The following NOL4 variants were observed in gnomAD, a reference collection of about 807,000 sequenced individuals.
NOL4 encodes nucleolar protein 4, also known as cancer/testis antigen 125.
Under a neutral mutation model 75.9 loss-of-function variants are expected in NOL4, and 17 were observed. The ratio of observed to expected loss-of-function variants is 0.22; its 90% CI spans 0.15 to 0.34. The LOEUF is 0.34. Among genes scored for constraint, NOL4 ranks in the 10% least tolerant of loss-of-function variants. NOL4 has a pLI of 1.00. For synonymous variants in NOL4, 292 were observed against 289.9 expected (o/e 1.01, Z -0.07); for missense variants, 614 against 793.5 (o/e 0.77, Z 2.72).
chr18:34,222,809 C>G (rs1020097587), intron 1 of NOL4, among the ~76,000 whole-genome samples, 181 bp downstream of exon 1: 1 of 152,150 alleles, frequency 6.6e-6, no homozygotes, highest in African/African-American at 2.4e-5. Context: ...AAAGACTGTA[C>G]AGTGGGGAAA....
intron 5 of NOL4, chr18:34,048,440 G>A (rs1311199895): frequency 1.0e-6 from 1 of 985,112 alleles, no homozygotes. Flanking sequence ...GACACTTACT[G>A]TGAATTCTGC....
At chr18:34,118,130 C>T (rs942101089) in intron 2 of NOL4, among the ~76,000 whole-genome samples, 3 of 152,116 alleles carry the variant, frequency 2.0e-5, no homozygotes, top group Non-Finnish European at 4.4e-5. Context: ...TTAAAATCAC[C>T]TTTCTCCACC....
chr18:34,179,876 G>T (rs1401698275), intron 1 of NOL4, among the ~76,000 whole-genome samples: 1 of 151,326 alleles, frequency 6.6e-6, no homozygotes, highest in Non-Finnish European at 1.5e-5. Context: ...AATTTCTTTT[G>T]TTTATAAACT....
chr18:34,068,150 A>G (rs2077360107), intron 5 of NOL4, among the ~76,000 whole-genome samples: 2 of 152,186 alleles, frequency 1.3e-5, no homozygotes, highest in Admixed American at 6.5e-5. Flanking sequence ...ATTAATGTGC[A>G]TGAATAATGG....
chr18:33,876,059 T>G (rs1168154214), intron 10 of NOL4, among the ~76,000 whole-genome samples: 1 of 152,052 alleles, frequency 6.6e-6, no homozygotes, highest in Non-Finnish European at 1.5e-5. Context: ...TTTTGTTTAC[T>G]TGATGTCATT....
At chr18:34,004,411 A>G (rs1025126603) in intron 6 of NOL4, among the ~76,000 whole-genome samples, 3 of 152,046 alleles carry the variant, frequency 2.0e-5, no homozygotes, top group Admixed American at 6.6e-5. Context: ...CAACAGCATC[A>G]TTTCATTCAT....
chr18:34,193,195 G>A (rs529263982), intron 1 of NOL4, among the ~76,000 whole-genome samples: 1 of 152,124 alleles, frequency 6.6e-6, no homozygotes, highest in Admixed American at 6.5e-5. Context: ...TATGACATTA[G>A]TCTGGACAAT....
intron 5 of NOL4, among the ~76,000 whole-genome samples, chr18:34,070,036 T>C (rs2077443807): frequency 6.6e-6 from 1 of 152,130 alleles, no homozygotes; most frequent in Non-Finnish European, 1.5e-5. Context: ...CTTGTTTTGT[T>C]TTGTTTTGTT....
At chr18:34,020,564 T>G (rs543099278) in intron 5 of NOL4, among the ~76,000 whole-genome samples, 35 of 152,318 alleles carry the variant, frequency 2.3e-4, no homozygotes, top group African/African-American at 7.7e-4. Flanking sequence ...TTTATACCAG[T>G]GTTGTTCATA....
At chr18:33,857,827 GT>G (rs1218836505) in intron 10 of NOL4, among the ~76,000 whole-genome samples, 7 of 152,052 alleles carry the variant, frequency 4.6e-5, no homozygotes, top group African/African-American at 1.7e-4. Flanking sequence ...TATGCTTTAT[GT>G]TTTAACAAAC....
intron 9 of NOL4, among the ~76,000 whole-genome samples, chr18:33,904,638 G>C (rs2065929335): frequency 6.6e-6 from 1 of 152,160 alleles, no homozygotes; most frequent in South Asian, 2.1e-4. Flanking sequence ...TATGTTACCT[G>C]TATGTTTTGT....
chr18:33,958,534 CTA>C, intron 6 of NOL4, 116 bp from the exon 7 acceptor site: 1 of 769,606 alleles, frequency 1.3e-6, no homozygotes. Context: ...GTTGATAACT[CTA>C]GAGCTGTGGT....
intron 5 of NOL4, among the ~76,000 whole-genome samples, chr18:34,087,627 T>C (rs1325455303): frequency 6.6e-6 from 1 of 152,114 alleles, no homozygotes; most frequent in Non-Finnish European, 1.5e-5. Flanking sequence ...TAGAATTTAA[T>C]ATGTATTAGT....
At chr18:33,918,275 TCA>T (rs1232854729) in intron 9 of NOL4, among the ~76,000 whole-genome samples, 1 of 152,174 alleles carries the variant, frequency 6.6e-6, no homozygotes, top group Admixed American at 6.5e-5. Flanking sequence ...CTCACAGGAA[TCA>T]CACAAAATGT....
At chr18:34,141,905 A>C (rs1420801589) in intron 1 of NOL4, among the ~76,000 whole-genome samples, 3 of 152,154 alleles carry the variant, frequency 2.0e-5, no homozygotes, top group Admixed American at 2.0e-4. Flanking sequence ...CAACCTACAG[A>C]ATGGGAAAAT....
chr18:34,145,311 C>T (rs75285551), intron 1 of NOL4, among the ~76,000 whole-genome samples: 1 of 151,906 alleles, frequency 6.6e-6, no homozygotes, highest in African/African-American at 2.4e-5. Flanking sequence ...TAAGTATTAT[C>T]AATCAGATAT....
intron 1 of NOL4, among the ~76,000 whole-genome samples, chr18:34,131,302 TGTTA>T (rs1168686909): frequency 6.6e-6 from 1 of 152,172 alleles, no homozygotes; most frequent in Admixed American, 6.6e-5. Context: ...GTTAGTTTTT[TGTTA>T]TTTATTCATT....
At chr18:34,051,838 G>A (rs2076636920) in intron 5 of NOL4, among the ~76,000 whole-genome samples, 1 of 151,942 alleles carries the variant, frequency 6.6e-6, no homozygotes, top group Non-Finnish European at 1.5e-5. Context: ...TTAAGTATTA[G>A]TGCTTCAGAG....
At chr18:34,132,195 T>C (rs1258854484) in intron 1 of NOL4, among the ~76,000 whole-genome samples, 1 of 152,206 alleles carries the variant, frequency 6.6e-6, no homozygotes, top group Non-Finnish European at 1.5e-5. Flanking sequence ...ACCCTTATGA[T>C]GAGATTTAGA....
Sources: gnomAD v4.1 joint callset for allele counts (sites outside exome capture counted in the v4.1 genomes callset) on GRCh38, gnomAD v4.1.1 for gene constraint, MANE v1.5 for transcripts, NCBI Gene and HGNC (gene_info 2026-07-23, HGNC 2026-07-21) for gene names.